NT5C3A: variants seen among roughly 807,000 people sequenced by gnomAD.
NT5C3A encodes 5'-nucleotidase, cytosolic IIIA, also known as cytosolic 5'-nucleotidase 3A.
Under a neutral mutation model 40.0 loss-of-function variants are expected in NT5C3A, and 23 were observed. The ratio of observed to expected loss-of-function variants is 0.58; its 90% CI spans 0.41 to 0.81. The LOEUF (loss-of-function observed/expected upper bound fraction) is 0.81. Ranked by LOEUF, NT5C3A falls within the 40% of genes least tolerant of loss-of-function variation. The pLI is 0.00. For synonymous variants in NT5C3A, 130 were observed against 141.4 expected, an observed-to-expected ratio of 0.92 and a Z score of 0.57; for missense variants, 328 against 403.0, an observed-to-expected ratio of 0.81 and a Z score of 1.59.
At chr7:33,039,641 T>G (rs1196605690) in intron 1 of NT5C3A, among the ~76,000 whole-genome samples, 1 of 151,230 alleles carries the variant, frequency 6.6e-6, no homozygotes, top group Non-Finnish European at 1.5e-5. Flanking sequence ...CTTTTCTGTA[T>G]GGCTGTAATA....
chr7:33,039,042 T>C (rs1786764257), intron 1 of NT5C3A: 2 of 384,232 alleles, frequency 5.2e-6, no homozygotes, highest in African/African-American at 4.2e-5. Flanking sequence ...GAGATTAAGG[T>C]CTCTACTATA....
rs1313509862 is a variant in NT5C3A at position 33,014,346 on chromosome 7, T to C, written c.*384A>G. On this transcript the variant is annotated 3_prime_UTR_variant, in exon 9 of 9. Coordinates refer to ENST00000610140, the MANE Select transcript of NT5C3A (RefSeq NM_001002010.5). ...ATAACCCAAATTACAAAAATGGCAATACTTAAAATCATGCATATTATTTCA... is the reference window on the plus strand; with the variant it reads ...ATAACCCAAATTACAAAAATGGCAACACTTAAAATCATGCATATTATTTCA... 4.4e-6 allele frequency: 2 copies of C among 454,534 alleles called. No individual in the cohort carries two copies. Among genetic ancestry groups the C allele is most frequent in the Non-Finnish European group, 8.8e-6 (2 of 227,168 alleles). The allele number at this position is 454,534 out of a possible 1,614,324, so 28.2% of individuals were successfully genotyped here.
chr7:33,036,781 T>A (rs1038016431), intron 1 of NT5C3A, among the ~76,000 whole-genome samples: 27 of 152,030 alleles, frequency 1.8e-4, no homozygotes, highest in African/African-American at 6.5e-4. Flanking sequence ...TCAATTTTCT[T>A]ACATTAAAAT....
Position 33,022,123 on chromosome 7 carries a change from C to T in NT5C3A, c.308-24G>A, listed in dbSNP as rs191997977. ...ATCTAAAGATAGAAAGCAAAATAAG[C>T]ATTAAAAGAAATACTCTGATTTATG... On this transcript the variant is annotated intron_variant, in intron 3 of 8. Transcript: ENST00000610140. The T allele has an allele frequency of 1.4e-4, 182 of 1,303,454 alleles. No individual in the cohort carries two copies. In the African/African-American group the frequency reaches 1.9e-3, roughly 14 times the overall value. The allele number at this position is 1,303,454 out of a possible 1,614,324, so 80.7% of individuals were successfully genotyped here.
At chr7:33,022,142 A>C (rs1785661802) in intron 3 of NT5C3A, 43 bp from the exon 4 acceptor site, 1 of 1,009,908 alleles carries the variant, frequency 9.9e-7, no homozygotes, top group Non-Finnish European at 1.6e-6. Context: ...AAATACTCTG[A>C]TTTATGCTAC....
At chr7:33,029,847 GTA>G in intron 1 of NT5C3A, 1 of 412,086 alleles carries the variant, frequency 2.4e-6, no homozygotes, top group Non-Finnish European at 4.5e-6. Flanking sequence ...GATTACAGGT[GTA>G]AGCCACCATG....
chr7:33,046,895 C>A (rs1787179508), intron 1 of NT5C3A, among the ~76,000 whole-genome samples: 1 of 151,524 alleles, frequency 6.6e-6, no homozygotes, highest in South Asian at 2.1e-4. Context: ...CCTCTGCTTC[C>A]CGGGTTCAAA....
chr7:33,044,517 T>C (rs1187630784), intron 1 of NT5C3A, among the ~76,000 whole-genome samples: 1 of 152,196 alleles, frequency 6.6e-6, no homozygotes, highest in African/African-American at 2.4e-5. Flanking sequence ...GGAGTTTTAT[T>C]TACTCATTGA....
Position 33,062,681 on chromosome 7 carries a change from C to T in NT5C3A, c.25G>A (p.Val9Met). The change falls in exon 1 of 9, where the codon GTG (valine) becomes ATG (methionine). Residue 9 changes from valine to methionine, a missense_variant. By Grantham distance (21) the Val-to-Met change is conservative. Transcript: ENST00000610140. The part of the protein sequence containing the change: MDRAAVAR[V>M]GAVASASVCA... ...ACGCTGGCGCTCGCTACCGCGCCCA[C>T]CCTCGCCACGGCCGCGCGGTCCATG... The T allele has an allele frequency of 6.3e-7, 1 of 1,575,542 alleles. No individual in the cohort carries two copies. Among genetic ancestry groups the T allele is most frequent in the Non-Finnish European group, 8.6e-7 (1 of 1,161,604 alleles).
intron 1 of NT5C3A, among the ~76,000 whole-genome samples, chr7:33,051,990 A>C (rs1787387978): frequency 6.6e-6 from 1 of 152,230 alleles, no homozygotes; most frequent in Non-Finnish European, 1.5e-5. Flanking sequence ...AAAAAGTTGA[A>C]GTCTCCCTTC....
intron 1 of NT5C3A, among the ~76,000 whole-genome samples, chr7:33,043,806 G>A (rs1188714423): frequency 6.6e-6 from 1 of 152,102 alleles, no homozygotes; most frequent in Non-Finnish European, 1.5e-5. Flanking sequence ...GGACTGGTGG[G>A]GTGTCCCTGG....
chr7:33,022,601 T>G (rs1785689085), intron 3 of NT5C3A, among the ~76,000 whole-genome samples: 1 of 152,232 alleles, frequency 6.6e-6, no homozygotes, highest in Non-Finnish European at 1.5e-5. Context: ...TTCCTTTCAG[T>G]CTTAAGATTT....
chr7:33,026,495 C>CA (rs1458022690), intron 2 of NT5C3A, among the ~76,000 whole-genome samples: 1 of 150,730 alleles, frequency 6.6e-6, no homozygotes, highest in Non-Finnish European at 1.5e-5. Flanking sequence ...GCTGGGATTA[C>CA]AGGCATGCGC....
intron 1 of NT5C3A, among the ~76,000 whole-genome samples, chr7:33,037,967 T>C (rs1426738616): frequency 1.3e-5 from 2 of 152,136 alleles, no homozygotes; most frequent in East Asian, 3.9e-4. Flanking sequence ...CTAACTTTTT[T>C]CTGTCACAGT....
rs1049702143 is a variant in NT5C3A at position 33,015,854 on chromosome 7, A to G, written c.710T>C (p.Phe237Ser). The G allele has an allele frequency of 1.2e-6, 2 of 1,607,688 alleles. No homozygotes were observed. The highest frequency in any genetic ancestry group is 1.7e-6 in the Non-Finnish European group (2 of 1,174,246). The change falls in exon 8 of 9, where the codon TTT becomes TCT. Residue 237 changes from phenylalanine (F) to serine (S), a missense_variant. Phe to Ser is a radical substitution (Grantham distance 155). Transcript: ENST00000610140. ...DFDETGVLKG[F>S]KGELIHVFNK... The stretch of plus-strand genomic sequence containing the variant: ...AAATACATGAATTAGTTCTCCTTTA[A>G]ATCCTTTGAGCACCCCCTATGAAAA...
Position 33,015,703 on chromosome 7 carries a change from C to T in NT5C3A, c.861G>A (p.Glu287=), listed in dbSNP as rs72555746. 9,579 of 1,610,512 alleles carry T rather than the reference C, an allele frequency of 5.9e-3. 81 individuals are homozygous for T. Among genetic ancestry groups the T allele is most frequent in the South Asian group, 0.029 (2,608 of 90,930 alleles). Residue 287 remains glutamate, a synonymous_variant, in exon 8 of 9, where the codon GAG becomes GAA. Coordinates refer to ENST00000610140, the MANE Select transcript of NT5C3A (RefSeq NM_001002010.5). The stretch of plus-strand genomic sequence containing the variant: ...TTAGATATCCAATTTTCAGAATGTG[C>T]TCAACATTGGCCACTCCATCTGCCA... ...LRMADGVANV[E]HILKIGYLND...
intron 1 of NT5C3A, among the ~76,000 whole-genome samples, chr7:33,051,138 C>G (rs1320961991): frequency 6.6e-6 from 1 of 151,732 alleles, no homozygotes; most frequent in Non-Finnish European, 1.5e-5. Flanking sequence ...ATATGTAATA[C>G]CTGAACTATT....
At chr7:33,048,188 G>T (rs1021465183) in intron 1 of NT5C3A, among the ~76,000 whole-genome samples, 1 of 151,798 alleles carries the variant, frequency 6.6e-6, no homozygotes, top group African/African-American at 2.4e-5. Context: ...GTGTGTGTGT[G>T]TGTGTGTGTG....
At chr7:33,041,761 A>C (rs1344461461) in intron 1 of NT5C3A, among the ~76,000 whole-genome samples, 1 of 152,114 alleles carries the variant, frequency 6.6e-6, no homozygotes, top group Non-Finnish European at 1.5e-5. Flanking sequence ...TTTTTAAAAG[A>C]GAACTAGTCT....
Sources: allele counts gnomAD v4.1 joint callset (sites outside exome capture counted in the v4.1 genomes callset), GRCh38; gene constraint gnomAD v4.1.1; transcripts MANE v1.5; gene names NCBI Gene and HGNC (gene_info 2026-07-23, HGNC 2026-07-21).